Variants in PRKCI observed in about 807,000 individuals in gnomAD.
PRKCI encodes the protein protein kinase C iota.
A neutral mutation model predicts 84.0 loss-of-function variants in PRKCI; 43 were observed. The ratio of observed to expected loss-of-function variants is 0.51; its 90% CI spans 0.40 to 0.66. The LOEUF (loss-of-function observed/expected upper bound fraction) is 0.66. PRKCI is among the 30% of genes least tolerant of loss of function. The probability of loss-of-function intolerance (pLI) is 0.00; values close to 1 mark genes in which losing one functional copy is unlikely to be tolerated. For missense variants in PRKCI, 459 were observed against 745.6 expected (o/e 0.62, Z 4.48); for synonymous variants, 216 against 234.4 (o/e 0.92, Z 0.72).
At chr3:170,276,313 A>G (rs372231432) in intron 8 of PRKCI, among the ~76,000 whole-genome samples, 16 of 152,176 alleles carry the variant, frequency 1.1e-4, no homozygotes, top group Non-Finnish European at 1.5e-4. Flanking sequence ...TAAAACAGCT[A>G]TCAATTCATG....
chr3:170,250,481 G>GT, intron 2 of PRKCI, among the ~76,000 whole-genome samples: 1 of 117,052 alleles, frequency 8.5e-6, no homozygotes, highest in East Asian at 2.6e-4. Flanking sequence ...GTTGCTACTT[G>GT]TTTCCCCCCT....
chr3:170,259,179 TTC>T (rs1317618509), intron 2 of PRKCI, among the ~76,000 whole-genome samples: 1 of 152,022 alleles, frequency 6.6e-6, no homozygotes, highest in Non-Finnish European at 1.5e-5. Context: ...CAGGAATAGA[TTC>T]TGTTTGCTGT....
At chr3:170,259,002 G>A (rs1733656980) in intron 2 of PRKCI, among the ~76,000 whole-genome samples, 1 of 152,122 alleles carries the variant, frequency 6.6e-6, no homozygotes, top group African/African-American at 2.4e-5. Context: ...TCAGTAGCCA[G>A]GCATGGTGGT....
intron 2 of PRKCI, among the ~76,000 whole-genome samples, chr3:170,256,063 GT>G (rs200787287): frequency 0.013 from 1,941 of 152,254 alleles, 46 homozygotes; most frequent in African/African-American, 0.044. Flanking sequence ...TTTTTAATGT[GT>G]TGTTGAATTC....
At chr3:170,232,295 C>G (rs2108835889) in intron 1 of PRKCI, among the ~76,000 whole-genome samples, 1 of 152,270 alleles carries the variant, frequency 6.6e-6, no homozygotes, top group East Asian at 1.9e-4. Context: ...AAGCGATCCT[C>G]CCACATTGGC....
intron 7 of PRKCI, among the ~76,000 whole-genome samples, 168 bp from the exon 8 acceptor site, chr3:170,275,061 T>C (rs1344857726): frequency 6.6e-6 from 1 of 152,148 alleles, no homozygotes; most frequent in Non-Finnish European, 1.5e-5. Context: ...ATACAATTTG[T>C]TATTAGTAGG....
At chr3:170,223,926 T>A (rs1732563604) in intron 1 of PRKCI, among the ~76,000 whole-genome samples, 1 of 149,792 alleles carries the variant, frequency 6.7e-6, no homozygotes. Context: ...CTTTTTTTTT[T>A]ATTATTATAC....
chr3:170,297,556 G>A (rs1273405181), intron 16 of PRKCI, among the ~76,000 whole-genome samples, 163 bp downstream of exon 16: 1 of 152,158 alleles, frequency 6.6e-6, no homozygotes, highest in Non-Finnish European at 1.5e-5. Flanking sequence ...GCGAGTTCAA[G>A]CAGTTCTGTC....
chr3:170,245,949 G>GTTTTTTTTTTTTTTTTTTTTTGT (rs112482352), intron 2 of PRKCI, among the ~76,000 whole-genome samples: 11 of 82,454 alleles, frequency 1.3e-4, no homozygotes, highest in African/African-American at 5.4e-4. Context: ...TTATGTCTTT[G>GTTTTTTTTTTTTTTTTTTTTTGT]TTTTTTTTTT....
chr3:170,235,566 C>CTTTTTTTTGTTTT (rs1336042523), intron 2 of PRKCI, among the ~76,000 whole-genome samples: 48 of 136,240 alleles, frequency 3.5e-4, no homozygotes, highest in African/African-American at 1.3e-3. Context: ...ATTAACTTGA[C>CTTTTTTTTGTTTT]TTTTTTTTTT....
chr3:170,251,739 G>C (rs1392156554), intron 2 of PRKCI, among the ~76,000 whole-genome samples: 1 of 151,790 alleles, frequency 6.6e-6, no homozygotes, highest in African/African-American at 2.4e-5. Context: ...GTGAAACCCT[G>C]TCTCTACTAA....
intron 9 of PRKCI, 65 bp downstream of exon 9, chr3:170,280,468 AC>A: frequency 7.0e-7 from 1 of 1,429,370 alleles, no homozygotes; most frequent in Non-Finnish European, 9.4e-7. Flanking sequence ...TTTTTTTGAA[AC>A]GGAGTTTCGC....
At chr3:170,248,442 C>T (rs77800023) in intron 2 of PRKCI, among the ~76,000 whole-genome samples, 4,105 of 152,182 alleles carry the variant, frequency 0.027, 192 homozygotes, top group African/African-American at 0.094. Flanking sequence ...CTGAACAATT[C>T]TCACTCTGGA....
At chr3:170,231,112 T>A (rs2108835320) in intron 1 of PRKCI, among the ~76,000 whole-genome samples, 1 of 151,748 alleles carries the variant, frequency 6.6e-6, no homozygotes, top group Admixed American at 6.6e-5. Context: ...GGCAAGGCGC[T>A]ACCATGCCTG....
At chr3:170,229,359 G>A (rs1732728297) in intron 1 of PRKCI, among the ~76,000 whole-genome samples, 1 of 152,148 alleles carries the variant, frequency 6.6e-6, no homozygotes, top group Non-Finnish European at 1.5e-5. Context: ...TGTTGCCTAC[G>A]CTGGAGTGCA....
At chr3:170,249,607 A>AG (rs1362217496) in intron 2 of PRKCI, among the ~76,000 whole-genome samples, 1 of 151,720 alleles carries the variant, frequency 6.6e-6, no homozygotes, top group Non-Finnish European at 1.5e-5. Flanking sequence ...TGGTCAACAT[A>AG]GGGAGACGCT....
At chr3:170,280,080 A>G in intron 8 of PRKCI, 147 bp from the exon 9 acceptor site, 1 of 702,988 alleles carries the variant, frequency 1.4e-6, no homozygotes, top group African/African-American at 1.8e-5. Flanking sequence ...TTGGTTTGGA[A>G]TGACATTTGA....
chr3:170,238,644 T>G (rs1577343290), intron 2 of PRKCI, among the ~76,000 whole-genome samples: 1 of 150,142 alleles, frequency 6.7e-6, no homozygotes, highest in Non-Finnish European at 1.5e-5. Flanking sequence ...CAGGCTGGAG[T>G]GCAGTGTCTC....
chr3:170,268,995 A>C (rs1249815154), intron 5 of PRKCI, among the ~76,000 whole-genome samples: 2 of 152,112 alleles, frequency 1.3e-5, no homozygotes, highest in African/African-American at 4.8e-5. Flanking sequence ...GCTCACTGCA[A>C]CCTGCATCTC....
Sources: gnomAD v4.1 joint callset for allele counts (sites outside exome capture counted in the v4.1 genomes callset) on GRCh38, gnomAD v4.1.1 for gene constraint, MANE v1.5 for transcripts, NCBI Gene and HGNC (gene_info 2026-07-23, HGNC 2026-07-21) for gene names.